SYNE2: variants seen among roughly 807,000 people sequenced by gnomAD.
SYNE2 encodes spectrin repeat containing nuclear envelope protein 2.
SYNE2 carries 431 observed loss-of-function variants against 856.3 expected under a neutral mutation model. That is an observed-to-expected ratio of 0.50 (90% confidence interval 0.47 to 0.55). SYNE2 has a LOEUF of 0.55. Ranked by LOEUF, SYNE2 falls within the 20% of genes least tolerant of loss-of-function variation. SYNE2 has a pLI of 0.00. For missense variants in SYNE2, 8,129 were observed against 8,023.2 expected, an observed-to-expected ratio of 1.01 and a Z score of -0.50; for synonymous variants, 2,923 against 2,872.3, an observed-to-expected ratio of 1.02 and a Z score of -0.56.
At chr14:64,026,090 G>A (rs1482532873) in intron 41 of SYNE2, among the ~76,000 whole-genome samples, 2 of 152,276 alleles carry the variant, frequency 1.3e-5, no homozygotes, top group East Asian at 3.9e-4. Flanking sequence ...GTGAGACTTA[G>A]TAAATAATCA....
intron 1 of SYNE2, among the ~76,000 whole-genome samples, chr14:63,890,630 G>C (rs141769291): frequency 6.6e-6 from 1 of 152,202 alleles, no homozygotes; most frequent in African/African-American, 2.4e-5. Context: ...CTTCACTTGG[G>C]AGTACAGTTT....
intron 30 of SYNE2, 105 bp from the exon 31 acceptor site, chr14:64,006,938 C>T (rs2096800842): frequency 1.1e-6 from 1 of 886,744 alleles, no homozygotes; most frequent in South Asian, 1.4e-5. Flanking sequence ...GCATTAACCA[C>T]ATGAGGACAA....
chr14:63,935,355 T>A (rs1057414309), intron 2 of SYNE2, among the ~76,000 whole-genome samples: 1 of 152,172 alleles, frequency 6.6e-6, no homozygotes, highest in Non-Finnish European at 1.5e-5. Flanking sequence ...AGGAAAAAAA[T>A]TCCAGTGAGG....
chr14:64,058,859 C>G (rs886276126), intron 49 of SYNE2, among the ~76,000 whole-genome samples: 19 of 151,892 alleles, frequency 1.3e-4, no homozygotes, highest in African/African-American at 4.3e-4. Flanking sequence ...ATTCTTTTTT[C>G]TTTTATCTCC....
chr14:64,108,864 CT>C (rs1442317055), intron 65 of SYNE2, among the ~76,000 whole-genome samples: 1 of 151,714 alleles, frequency 6.6e-6, no homozygotes, highest in Non-Finnish European at 1.5e-5. Context: ...TGTTTTTTTG[CT>C]GTTCAGAATT....
At chr14:63,835,799 C>T (rs1274220676) in intron 1 of SYNE2, among the ~76,000 whole-genome samples, 3 of 151,990 alleles carry the variant, frequency 2.0e-5, no homozygotes, top group Non-Finnish European at 2.9e-5. Flanking sequence ...GCCTCACCAA[C>T]ATGGAGAAAC....
At chr14:63,763,113 G>A (rs553269345) in intron 1 of SYNE2, among the ~76,000 whole-genome samples, 18 of 152,040 alleles carry the variant, frequency 1.2e-4, no homozygotes, top group East Asian at 1.9e-4. Context: ...GACTACAGGC[G>A]CCCACCACCA....
intron 87 of SYNE2, among the ~76,000 whole-genome samples, chr14:64,161,149 G>T (rs551418303): frequency 6.6e-6 from 1 of 152,046 alleles, no homozygotes; most frequent in African/African-American, 2.4e-5. Flanking sequence ...TTCAAGACCA[G>T]CCTGGGTAGC....
At chr14:63,986,643 G>A in intron 19 of SYNE2, 26 bp downstream of exon 19, 1 of 1,608,578 alleles carries the variant, frequency 6.2e-7, no homozygotes. Flanking sequence ...TATTAAGAGG[G>A]TACTTTCATG....
chr14:63,993,742 T>C, intron 21 of SYNE2, 93 bp from the exon 22 acceptor site: 5 of 1,181,106 alleles, frequency 4.2e-6, no homozygotes, highest in Non-Finnish European at 6.0e-6. Context: ...CTTTACCAGT[T>C]AAAGACATAC....
At chr14:63,968,878 A>AATTAAGTT (rs1367067261) in intron 11 of SYNE2, among the ~76,000 whole-genome samples, 3 of 152,182 alleles carry the variant, frequency 2.0e-5, no homozygotes, top group African/African-American at 7.2e-5. Context: ...TAAAATGTAC[A>AATTAAGTT]ATTAAGTTAT....
At chr14:64,151,420 TAAAAAAAAAAAAAA>T (rs540541655) in intron 84 of SYNE2, among the ~76,000 whole-genome samples, 28 of 19,324 alleles carry the variant, frequency 1.4e-3, no homozygotes, top group Non-Finnish European at 2.1e-3. Flanking sequence ...ACAAAGGATT[TAAAAAAAAAAAAAA>T]AAAAAAAAAA....
At chr14:64,215,837 C>A in intron 107 of SYNE2, 1 of 754,972 alleles carries the variant, frequency 1.3e-6, no homozygotes, top group Non-Finnish European at 1.8e-6. Flanking sequence ...AGCCCCATCC[C>A]TATCTGCCAT....
chr14:64,092,724 T>G (rs1484248930), intron 60 of SYNE2, among the ~76,000 whole-genome samples: 4 of 152,258 alleles, frequency 2.6e-5, no homozygotes, highest in African/African-American at 9.6e-5. Context: ...CACAGATAGG[T>G]CTGAGCTTTC....
intron 43 of SYNE2, among the ~76,000 whole-genome samples, chr14:64,028,175 G>C (rs1231330727): frequency 6.6e-6 from 1 of 152,112 alleles, no homozygotes; most frequent in East Asian, 1.9e-4. Flanking sequence ...AAAGTGCTGG[G>C]ACTACAGACG....
At chr14:64,113,178 T>C (rs1312905039) in intron 65 of SYNE2, 163 bp from the exon 66 acceptor site, 4 of 985,378 alleles carry the variant, frequency 4.1e-6, no homozygotes, top group Non-Finnish European at 3.6e-6. Context: ...CCAGGTCACG[T>C]GATTGTTGCT....
At chr14:64,136,951 C>T (rs1158724430) in intron 78 of SYNE2, among the ~76,000 whole-genome samples, 1 of 152,186 alleles carries the variant, frequency 6.6e-6, no homozygotes, top group Non-Finnish European at 1.5e-5. Context: ...TCTCCTAGAG[C>T]CAGCAGCTGC....
In SYNE2 at chr14:63,804,550, ATGGCGCGATCT is replaced by A. The variant is rs1888284702; in HGVS notation, c.-305+42569_-305+42579del. On this transcript the variant is annotated intron_variant, in intron 1 of 23. Transcript: ENST00000674003. Reference sequence around the variant, plus strand: ...CTCTTGTTGCCCAGGCTGGAGTGCAATGGCGCGATCTTGGCTCACCACAACCTTTGCCTCCC... The same window carrying A: ...CTCTTGTTGCCCAGGCTGGAGTGCAATGGCTCACCACAACCTTTGCCTCCC... 2.6e-5 allele frequency among the ~76,000 whole-genome samples: 4 copies of A among 151,468 alleles called. No individual in the cohort carries two copies. In the South Asian group the frequency reaches 8.3e-4, roughly 32 times the overall value.
intron 1 of SYNE2, among the ~76,000 whole-genome samples, chr14:63,816,896 A>T (rs1278074847): frequency 6.6e-6 from 1 of 151,820 alleles, no homozygotes; most frequent in African/African-American, 2.4e-5. Flanking sequence ...CTTTATTATT[A>T]TTTTAAGAAA....
Sources: allele counts gnomAD v4.1 joint callset (sites outside exome capture counted in the v4.1 genomes callset), GRCh38; gene constraint gnomAD v4.1.1; transcripts MANE v1.5; gene names NCBI Gene and HGNC (gene_info 2026-07-23, HGNC 2026-07-21).